Variants in PVT1 observed in about 807,000 individuals in gnomAD.
PVT1 encodes CXCR4/PVT1 fusion.
Position 127,898,574 on chromosome 8 carries a change from G to A in PVT1, n.782+7576G>A, listed in dbSNP as rs1815716151. ...GCAGTGAAGTCACCATAATTGATGGGCCACACTAGACTGGAGCCAACCATG... is the reference window on the plus strand; with the variant it reads ...GCAGTGAAGTCACCATAATTGATGGACCACACTAGACTGGAGCCAACCATG... On this transcript the variant is annotated intron_variant and non_coding_transcript_variant, in intron 3 of 10. Coordinates refer to ENST00000651587, the Ensembl canonical transcript of PVT1. The surrounding 1 kb of genome is among the most constrained non-coding windows in gnomAD (Gnocchi z 4.4). 6.6e-6 allele frequency among the ~76,000 whole-genome samples: 1 copy of A among 152,210 alleles called. No homozygotes were observed. Among genetic ancestry groups the A allele is most frequent in the Non-Finnish European group, 1.5e-5 (1 of 68,024 alleles).
intron 2 of PVT1, among the ~76,000 whole-genome samples, chr8:127,880,504 G>A (rs887691455): frequency 9.3e-5 from 14 of 150,332 alleles, no homozygotes; most frequent in African/African-American, 3.2e-4. Flanking sequence ...CACTGTGTTA[G>A]CCAGGATGGT....
intron 4 of PVT1, among the ~76,000 whole-genome samples, chr8:128,013,914 A>G (rs960569274): frequency 6.6e-6 from 1 of 152,204 alleles, no homozygotes; most frequent in African/African-American, 2.4e-5. Flanking sequence ...TCACATCCTG[A>G]GATGCTGTGT....
chr8:127,960,193 G>A (rs1157158595), intron 3 of PVT1, among the ~76,000 whole-genome samples: 1 of 152,186 alleles, frequency 6.6e-6, no homozygotes, highest in African/African-American at 2.4e-5. Context: ...CAGTTTCCAA[G>A]TTGGAGGGTC....
chr8:128,058,050 A>C (rs965102632), intron 4 of PVT1, among the ~76,000 whole-genome samples: 1 of 152,204 alleles, frequency 6.6e-6, no homozygotes, highest in Non-Finnish European at 1.5e-5. Context: ...TCCTCTCTGC[A>C]AATACTGTAG....
intron 2 of PVT1, chr8:127,803,334 T>A (rs1814489606): frequency 6.6e-6 from 1 of 151,998 alleles, no homozygotes; most frequent in Non-Finnish European, 1.5e-5. Context: ...TTTCACCATG[T>A]TAGCCAGGAT....
chr8:127,812,829 A>G lies in PVT1; in HGVS notation n.372+16758A>G, dbSNP rs115221714. On this transcript the variant is annotated intron_variant and non_coding_transcript_variant, in intron 2 of 10. Coordinates refer to ENST00000651587, the Ensembl canonical transcript of PVT1. The stretch of plus-strand genomic sequence containing the variant: ...GTTATCTTTCTGGAAAAACTCAGTA[A>G]GTCTCTGGCTGGGAATTATAGAAGC... Among the ~76,000 whole-genome samples the G allele has an allele frequency of 6.1e-3, 932 of 152,254 alleles. 7 individuals carry two copies. Among genetic ancestry groups the G allele is most frequent in the African/African-American group, 0.021 (865 of 41,534 alleles).
At chr8:127,885,445 A>C (rs894399822) in intron 2 of PVT1, among the ~76,000 whole-genome samples, 1 of 152,136 alleles carries the variant, frequency 6.6e-6, no homozygotes, top group African/African-American at 2.4e-5. Context: ...TAAGGCTCAG[A>C]CATATTTGGT....
chr8:127,838,389 T>C (rs1468352674), intron 2 of PVT1, among the ~76,000 whole-genome samples: 6 of 152,070 alleles, frequency 3.9e-5, no homozygotes, highest in Non-Finnish European at 8.8e-5. Flanking sequence ...TGGAGGAATA[T>C]CAAGTAAACC....
At chr8:127,915,648 A>G (rs956218426) in intron 3 of PVT1, among the ~76,000 whole-genome samples, 3 of 149,040 alleles carry the variant, frequency 2.0e-5, no homozygotes, top group Admixed American at 1.3e-4. Flanking sequence ...GGATATGTGG[A>G]CACTATGTCT....
At chr8:128,016,296 G>A (rs915912355) in intron 4 of PVT1, among the ~76,000 whole-genome samples, 3 of 148,446 alleles carry the variant, frequency 2.0e-5, no homozygotes, top group African/African-American at 5.2e-5. Context: ...AAAAGGGGGC[G>A]AGGATGGTAA....
chr8:127,893,692 G>C (rs1284889126), intron 3 of PVT1, among the ~76,000 whole-genome samples: 1 of 152,140 alleles, frequency 6.6e-6, no homozygotes, highest in Non-Finnish European at 1.5e-5. Flanking sequence ...TCCCTTCTTG[G>C]CCACTGGTGA....
At chr8:127,854,402 CA>C (rs1489471935) in intron 2 of PVT1, among the ~76,000 whole-genome samples, 1 of 152,210 alleles carries the variant, frequency 6.6e-6, no homozygotes, top group Non-Finnish European at 1.5e-5. Context: ...CTCTGAGTCA[CA>C]GTGCAGCCCT....
intron 4 of PVT1, among the ~76,000 whole-genome samples, chr8:128,067,556 G>A (rs1173653450): frequency 1.3e-5 from 2 of 152,362 alleles, no homozygotes; most frequent in East Asian, 1.9e-4. Flanking sequence ...GGCAGGATGA[G>A]ACTAGGCAGC....
At chr8:127,986,027 A>T (rs1816966264) in intron 3 of PVT1, among the ~76,000 whole-genome samples, 1 of 152,102 alleles carries the variant, frequency 6.6e-6, no homozygotes, top group Non-Finnish European at 1.5e-5. Flanking sequence ...TGATTAGTCA[A>T]TGTGTGTTAT....
intron 2 of PVT1, among the ~76,000 whole-genome samples, chr8:127,817,475 ATGTG>A (rs199686932): frequency 3.1e-5 from 3 of 95,262 alleles, no homozygotes; most frequent in African/African-American, 1.9e-4. Flanking sequence ...ATATATATAT[ATGTG>A]TGTGTGTGTG....
intron 4 of PVT1, among the ~76,000 whole-genome samples, chr8:128,063,611 G>A (rs1050264763): frequency 1.3e-5 from 2 of 152,130 alleles, no homozygotes; most frequent in Admixed American, 1.3e-4. Flanking sequence ...CTCAAGCCAG[G>A]CAGAGAAAGA....
intron 2 of PVT1, among the ~76,000 whole-genome samples, chr8:127,837,898 A>AT (rs778300631): frequency 0.018 from 2,473 of 139,126 alleles, 41 homozygotes; most frequent in East Asian, 0.054. Flanking sequence ...ATTATTTATG[A>AT]TTTTTTTTTT....
At chr8:128,024,697 C>T (rs563903865) in intron 4 of PVT1, among the ~76,000 whole-genome samples, 1 of 152,104 alleles carries the variant, frequency 6.6e-6, no homozygotes, top group African/African-American at 2.4e-5. Context: ...AAAAGAAGCA[C>T]TATGGTTTAA....
At chr8:128,076,569 T>C (rs1814092619) in intron 5 of PVT1, among the ~76,000 whole-genome samples, 1 of 152,258 alleles carries the variant, frequency 6.6e-6, no homozygotes, top group Non-Finnish European at 1.5e-5. Context: ...TGTGGACCCC[T>C]GAATTCTACT....
Sources: gnomAD v4.1 joint callset for allele counts (sites outside exome capture counted in the v4.1 genomes callset) on GRCh38, gnomAD v4.1.1 for gene constraint, Gnocchi (gnomAD v3.1) non-coding constraint, MANE v1.5 for transcripts, NCBI Gene and HGNC (gene_info 2026-07-23, HGNC 2026-07-21) for gene names.